The following USH2A variants were observed in gnomAD, a reference collection of about 807,000 sequenced individuals.
USH2A encodes usherin.
USH2A carries 443 observed loss-of-function variants against 538.9 expected under a neutral mutation model. The observed-to-expected ratio is 0.82, with a 90% CI of 0.76 to 0.89. The LOEUF (loss-of-function observed/expected upper bound fraction) is 0.89, where lower values mean the gene tolerates loss of function less well. Among genes scored for constraint, USH2A ranks in the 40% least tolerant of loss-of-function variants. The pLI is 0.00. For missense variants in USH2A, 6,633 were observed against 6,324.8 expected, an observed-to-expected ratio of 1.05 and a Z score of -1.65; for synonymous variants, 2,413 against 2,273.5, an observed-to-expected ratio of 1.06 and a Z score of -1.75.
chr1:215,639,047 A>G, intron 69 of USH2A, 108 bp downstream of exon 69: 2 of 1,087,340 alleles, frequency 1.8e-6, no homozygotes, highest in Middle Eastern at 4.1e-4. Flanking sequence ...TTTCTTCTGT[A>G]TAGTCTATGC....
intron 21 of USH2A, among the ~76,000 whole-genome samples, chr1:216,156,876 C>G (rs1006308051): frequency 2.7e-5 from 4 of 150,272 alleles, no homozygotes; most frequent in African/African-American, 7.5e-5. Flanking sequence ...ATACTTCTAT[C>G]TCTTTTTTTT....
rs563223593 is a variant in USH2A, at chr1:216,063,540, T to C, written c.6049+6561A>G. ...GAAAGAAAAAAAATCAAAGAATTCATAGTACACATTGGCAAGAAATGTAGT... is the reference window on the plus strand; with the variant it reads ...GAAAGAAAAAAAATCAAAGAATTCACAGTACACATTGGCAAGAAATGTAGT... On this transcript the variant is annotated intron_variant, in intron 30 of 71. Coordinates refer to ENST00000307340, the MANE Select transcript of USH2A (RefSeq NM_206933.4). Among the ~76,000 whole-genome samples, 11 of 152,238 alleles carry C rather than the reference T, an allele frequency of 7.2e-5. No individual in the cohort carries two copies. The South Asian group carries it at 1.9e-3, about 26-fold the overall frequency.
At chr1:215,730,372 C>T (rs1210712671) in intron 60 of USH2A, among the ~76,000 whole-genome samples, 2 of 152,194 alleles carry the variant, frequency 1.3e-5, no homozygotes, top group African/African-American at 2.4e-5. Flanking sequence ...TGCATCTTTG[C>T]CTCTTCTCCA....
intron 60 of USH2A, among the ~76,000 whole-genome samples, chr1:215,732,508 C>T (rs1387199766): frequency 1.4e-5 from 2 of 144,838 alleles, no homozygotes; most frequent in Admixed American, 1.4e-4. Context: ...TGGCAATATC[C>T]CTCCCAATCC....
intron 11 of USH2A, among the ~76,000 whole-genome samples, chr1:216,253,160 T>G (rs1233757490): frequency 6.6e-6 from 1 of 151,838 alleles, no homozygotes; most frequent in Non-Finnish European, 1.5e-5. Context: ...TCTTTTTTTT[T>G]TTTTTGAGAT....
chr1:216,337,057 C>G (rs1192480798), intron 4 of USH2A, among the ~76,000 whole-genome samples: 1 of 151,374 alleles, frequency 6.6e-6, no homozygotes, highest in African/African-American at 2.4e-5. Context: ...TAAGAGCTAC[C>G]AGAAATATTA....
Position 216,292,251 on chromosome 1 carries a change from G to T in USH2A, c.1764C>A (p.Ile588=), listed in dbSNP as rs750718561. ...NSHSKSCHYN[I]SVDPFPFEHF... ...GCTCAAAAGGAAATGGGTCTACAGA[G>T]ATGTTGTAATGGCAGCTTTTGGAAT... The change falls in exon 10 of 72, where the codon ATC becomes ATA. Residue 588 remains isoleucine, a synonymous_variant. Transcript: ENST00000307340. 1.2e-6 allele frequency: 2 copies of T among 1,613,974 alleles called. No individual in the cohort carries two copies. The highest frequency in any genetic ancestry group is 3.3e-5 in the Admixed American group (2 of 60,002).
intron 64 of USH2A, among the ~76,000 whole-genome samples, chr1:215,666,292 A>G (rs755661626): frequency 5.8e-5 from 1 of 17,232 alleles, no homozygotes; most frequent in Non-Finnish European, 1.1e-3. Flanking sequence ...CATGAGGAAG[A>G]TTAAAATAAA....
intron 44 of USH2A, 67 bp downstream of exon 44, chr1:215,866,940 T>C (rs1478831699): frequency 1.9e-6 from 3 of 1,606,716 alleles, no homozygotes; most frequent in Admixed American, 1.7e-5. Flanking sequence ...GGGAGGTTCA[T>C]AGTAAAGAAA....
At chr1:216,009,477 G>C (rs552346942) in intron 32 of USH2A, among the ~76,000 whole-genome samples, 5 of 152,142 alleles carry the variant, frequency 3.3e-5, no homozygotes, top group African/African-American at 1.2e-4. Flanking sequence ...TCATAAAATA[G>C]GCAAACGGTC....
intron 21 of USH2A, among the ~76,000 whole-genome samples, chr1:216,110,936 C>T (rs2032851997): frequency 6.6e-6 from 1 of 152,120 alleles, no homozygotes; most frequent in Non-Finnish European, 1.5e-5. Flanking sequence ...TTATAACTAC[C>T]TGTATCTGGC....
At chr1:216,339,847 A>T (rs2102676871) in intron 4 of USH2A, among the ~76,000 whole-genome samples, 1 of 152,138 alleles carries the variant, frequency 6.6e-6, no homozygotes, top group Non-Finnish European at 1.5e-5. Flanking sequence ...GTTAAGAGGG[A>T]AATTTATAGC....
At chr1:216,415,562 CTGGAATGCAGTGGCATGATCA>C (rs2039564675) in intron 3 of USH2A, among the ~76,000 whole-genome samples, 1 of 130,346 alleles carries the variant, frequency 7.7e-6, no homozygotes, top group Non-Finnish European at 1.5e-5. Context: ...TTCGCCCAGG[CTGGAATGCAGTGGCATGATCA>C]TGGGTCACTG....
intron 38 of USH2A, among the ~76,000 whole-genome samples, chr1:215,931,258 T>TA (rs1666355374): frequency 6.6e-6 from 1 of 151,992 alleles, no homozygotes; most frequent in Non-Finnish European, 1.5e-5. Context: ...TAATTATATA[T>TA]TTTTTCTCAT....
At chr1:216,308,331 T>C (rs75578402) in intron 9 of USH2A, among the ~76,000 whole-genome samples, 6,641 of 152,176 alleles carry the variant, frequency 0.044, 188 homozygotes, top group Middle Eastern at 0.068. Flanking sequence ...GGTGTATGAG[T>C]CCCCACTTAC....
At chr1:215,627,651 G>C (rs562659480) in intron 71 of USH2A, among the ~76,000 whole-genome samples, 29 of 151,906 alleles carry the variant, frequency 1.9e-4, no homozygotes, top group Admixed American at 8.5e-4. Context: ...TCAGCCTCCT[G>C]AGTAGCTGGG....
chr1:215,660,307 C>A (rs1228627753), intron 64 of USH2A, among the ~76,000 whole-genome samples: 14 of 152,150 alleles, frequency 9.2e-5, no homozygotes, highest in Admixed American at 9.2e-4. Context: ...GTTCTTAACA[C>A]AGCCCTTAGC....
chr1:216,278,910 T>C (rs2036720203), intron 11 of USH2A, among the ~76,000 whole-genome samples: 1 of 152,144 alleles, frequency 6.6e-6, no homozygotes. Flanking sequence ...AAATTTTAAA[T>C]GTATTGTTTT....
At position 215,743,301 on chromosome 1, in the gene USH2A, A is replaced by G. The variant is rs2102727539; in HGVS notation, c.11424T>C (p.Asn3808=). The G allele has an allele frequency of 6.2e-7, 1 of 1,607,814 alleles. No homozygotes were observed. The highest frequency in any genetic ancestry group is 8.5e-7 in the Non-Finnish European group (1 of 1,177,504). Residue 3808 remains asparagine (N), a synonymous_variant, in exon 59 of 72, where the codon AAT becomes AAC. Coordinates refer to ENST00000307340, the MANE Select transcript of USH2A (RefSeq NM_206933.4). Reference sequence around the variant, plus strand: ...TTACACTTCCATCATTGAGTAAGACATTGTACTCCACAGGAATTTCGGGGA... The same window carrying G: ...TTACACTTCCATCATTGAGTAAGACGTTGTACTCCACAGGAATTTCGGGGA... The part of the protein sequence containing the change: ...ILIPEIPVEY[N]VLLNDGSVTP...
Sources: gnomAD v4.1 joint callset for allele counts (sites outside exome capture counted in the v4.1 genomes callset) on GRCh38, gnomAD v4.1.1 for gene constraint, MANE v1.5 for transcripts, NCBI Gene and HGNC (gene_info 2026-07-23, HGNC 2026-07-21) for gene names.